HPF1: variants seen among roughly 807,000 people sequenced by gnomAD.
HPF1 encodes the protein histone PARylation factor 1, also known as UPF0609 protein C4orf27.
In HPF1, 35 loss-of-function variants were observed where a neutral mutation model predicts 38.8. That is an observed-to-expected ratio of 0.90 (90% CI 0.69 to 1.19). The LOEUF (loss-of-function observed/expected upper bound fraction) is 1.19, where lower values mean the gene tolerates loss of function less well. HPF1 is among the 50% of genes most tolerant of loss of function. HPF1 has a pLI of 0.00. For synonymous variants in HPF1, 115 were observed against 139.2 expected (o/e 0.83, Z 1.22); for missense variants, 367 against 405.8 (o/e 0.90, Z 0.82).
At chr4:169,732,759 G>A (rs923306277) in intron 6 of HPF1, among the ~76,000 whole-genome samples, 15 of 151,888 alleles carry the variant, frequency 9.9e-5, no homozygotes, top group Admixed American at 5.2e-4. Flanking sequence ...AACCAAGTGC[G>A]GATTGAAATA....
chr4:169,757,014 C>T (rs1385973180), intron 1 of HPF1, among the ~76,000 whole-genome samples: 2 of 152,184 alleles, frequency 1.3e-5, no homozygotes, highest in Non-Finnish European at 2.9e-5. Context: ...TCACCCTGTC[C>T]GATTTATGAC....
rs532911819 is a variant in HPF1, at chr4:169,737,921, A to C, written c.649-174T>G. ...TAACACTATTTTTTTCTTGAAAATCAGCTAAAAGTTAAACAGTTGAAGTAA... is the reference window on the plus strand; with the variant it reads ...TAACACTATTTTTTTCTTGAAAATCCGCTAAAAGTTAAACAGTTGAAGTAA... On this transcript the variant is annotated intron_variant, in intron 5 of 7. Coordinates refer to ENST00000393381, the MANE Select transcript of HPF1 (RefSeq NM_017867.3). 6.6e-5 allele frequency among the ~76,000 whole-genome samples: 10 copies of C among 152,232 alleles called. 1 individual carries two copies. The highest frequency in any genetic ancestry group is 1.2e-4 in the Non-Finnish European group (8 of 68,018).
At chr4:169,755,378 T>A (rs1319850243) in intron 1 of HPF1, among the ~76,000 whole-genome samples, 1 of 152,202 alleles carries the variant, frequency 6.6e-6, no homozygotes, top group Non-Finnish European at 1.5e-5. Context: ...ATTCTTGGGA[T>A]GTGAAATCCA....
intron 4 of HPF1, among the ~76,000 whole-genome samples, chr4:169,745,460 G>A (rs1287837900): frequency 6.6e-6 from 1 of 152,106 alleles, no homozygotes; most frequent in Non-Finnish European, 1.5e-5. Flanking sequence ...GAAAACCAGA[G>A]GGAATCTTGA....
intron 1 of HPF1, among the ~76,000 whole-genome samples, chr4:169,755,949 G>A (rs948208300): frequency 2.0e-5 from 3 of 152,104 alleles, no homozygotes; most frequent in African/African-American, 2.4e-5. Flanking sequence ...GGTCAAAGAC[G>A]ATCATGAATA....
chr4:169,751,576 CAA>C (rs1382435009), intron 2 of HPF1, among the ~76,000 whole-genome samples: 2 of 152,064 alleles, frequency 1.3e-5, no homozygotes, highest in Non-Finnish European at 2.9e-5. Context: ...TCATAAACCA[CAA>C]AGACATGAAG....
At chr4:169,747,679 A>G (rs1734066499) in intron 4 of HPF1, among the ~76,000 whole-genome samples, 1 of 152,186 alleles carries the variant, frequency 6.6e-6, no homozygotes, top group Admixed American at 6.5e-5. Flanking sequence ...TCCCCATGAA[A>G]GTTCACTGCA....
At chr4:169,750,356 C>T in intron 3 of HPF1, 180 bp downstream of exon 3, 2 of 422,138 alleles carry the variant, frequency 4.7e-6, no homozygotes. Context: ...GAGATTAAAC[C>T]TAAAGAGTTT....
At chr4:169,755,059 T>TCCCCCCC (rs147029791) in intron 1 of HPF1, among the ~76,000 whole-genome samples, 3 of 118,638 alleles carry the variant, frequency 2.5e-5, no homozygotes, top group African/African-American at 4.3e-5. Flanking sequence ...ATGCTATCCC[T>TCCCCCCC]CCCCCCGCCC....
intron 6 of HPF1, among the ~76,000 whole-genome samples, chr4:169,733,371 CA>C (rs1388504930): frequency 2.6e-5 from 4 of 152,120 alleles, no homozygotes; most frequent in African/African-American, 9.7e-5. Context: ...TTCCTTTTGA[CA>C]AATTGTATGT....
chr4:169,731,063 G>A (rs888279257), intron 7 of HPF1, among the ~76,000 whole-genome samples: 3 of 152,164 alleles, frequency 2.0e-5, no homozygotes, highest in Non-Finnish European at 4.4e-5. Flanking sequence ...AAGCTTGCCC[G>A]ATCTTACACA....
In HPF1 at chr4:169,748,795, T is replaced by A; in HGVS notation, c.446A>T (p.Lys149Met). 1 of 1,517,588 alleles carries A rather than the reference T, an allele frequency of 6.6e-7. No individual in the cohort carries two copies. Among genetic ancestry groups the A allele is most frequent in the Non-Finnish European group, 8.9e-7 (1 of 1,118,692 alleles). The allele number at this position is 1,517,588 out of a possible 1,614,324, so 94.0% of individuals were successfully genotyped here. A position where few individuals can be genotyped will look rare whatever the true frequency, so the allele number is the denominator to read the frequency against. ...ATTTGGAACAATTATACAATTTTTC[T>A]TTGCTTCATTTATACCAACATATAC... ...FPVYVGINEA[K>M]KNCIIVPNGD... Residue 149 changes from lysine (K) to methionine (M), a missense_variant, in exon 4 of 8, where the codon AAG (lysine) becomes ATG (methionine). Coordinates refer to ENST00000393381, the MANE Select transcript of HPF1 (RefSeq NM_017867.3).
rs1003105598 is a variant in HPF1, at chr4:169,753,950, C to T, written c.49-115G>A. 5.1e-6 allele frequency: 4 copies of T among 788,230 alleles called. No homozygotes were observed. The African/African-American group carries it at 5.3e-5, about 10-fold the overall frequency. The allele number at this position is 788,230 out of a possible 1,614,324, so 48.8% of individuals were successfully genotyped here. ...TGAAATACATGTGTTTTCCTTAAAA[C>T]TCTCTAAATGGTCTTTGAGTAAAAT... On this transcript the variant is annotated intron_variant, in intron 1 of 7. Transcript: ENST00000393381.
At chr4:169,753,236 G>T (rs1734142635) in intron 2 of HPF1, among the ~76,000 whole-genome samples, 1 of 151,994 alleles carries the variant, frequency 6.6e-6, no homozygotes, top group Non-Finnish European at 1.5e-5. Flanking sequence ...GTTTCACTGT[G>T]TTGCCCAGAC....
chr4:169,748,914 C>G, intron 3 of HPF1, 72 bp from the exon 4 acceptor site: 1 of 695,022 alleles, frequency 1.4e-6, no homozygotes, highest in Non-Finnish European at 2.5e-6. Flanking sequence ...GATTTCAGGT[C>G]TACAGACAAC....
intron 4 of HPF1, among the ~76,000 whole-genome samples, chr4:169,746,331 A>G (rs1356723658): frequency 6.6e-6 from 1 of 152,176 alleles, no homozygotes. Context: ...ACTTAAGGGT[A>G]TAAATGTGTA....
Position 169,750,669 on chromosome 4 carries a change from C to T in HPF1, c.265G>A (p.Gly89Arg), listed in dbSNP as rs1317940856. The change falls in exon 3 of 8, where the codon GGA (glycine) becomes AGA (arginine). Residue 89 changes from glycine (G) to arginine (R), a missense_variant. By Grantham distance (125) the Gly-to-Arg change is moderately radical (BLOSUM62 -2). Coordinates refer to ENST00000393381, the MANE Select transcript of HPF1 (RefSeq NM_017867.3). ...GATTTTTTCTTCGTTTTATGTTTTC[C>T]AGCAAGGATATCATAAGGACCAACT... ...QLVGPYDILAGKHKTKKKSTG... is the reference protein window; with the variant it reads ...QLVGPYDILARKHKTKKKSTG... 3.1e-6 allele frequency: 5 copies of T among 1,613,796 alleles called. No individual in the cohort carries two copies. Among genetic ancestry groups the T allele is most frequent in the Non-Finnish European group, 4.2e-6 (5 of 1,179,856 alleles).
rs193004209 is a variant in HPF1 at position 169,744,444 on chromosome 4, C to T, written c.498-2337G>A. Among the ~76,000 whole-genome samples, 306 of 152,248 alleles carry T rather than the reference C, an allele frequency of 2.0e-3. 1 individual carries two copies. The highest frequency in any genetic ancestry group is 0.01 in the Middle Eastern group (3 of 292). On this transcript the variant is annotated intron_variant, in intron 4 of 7. Transcript: ENST00000393381. Reference sequence around the variant, plus strand: ...CTGTGTGATGCTTAAAGATAAGGTGCGATGTGCAACTGAAGCCATAACCAT... The same window carrying T: ...CTGTGTGATGCTTAAAGATAAGGTGTGATGTGCAACTGAAGCCATAACCAT...
At chr4:169,757,750 G>T in intron 1 of HPF1, 80 bp downstream of exon 1, 1 of 1,285,938 alleles carries the variant, frequency 7.8e-7, no homozygotes, top group Non-Finnish European at 1.1e-6. Flanking sequence ...GTCACTGGAT[G>T]AATGAAAAGC....
Sources: allele counts gnomAD v4.1 joint callset (sites outside exome capture counted in the v4.1 genomes callset), GRCh38; gene constraint gnomAD v4.1.1; transcripts MANE v1.5; gene names NCBI Gene and HGNC (gene_info 2026-07-23, HGNC 2026-07-21).